EYS: variants seen among roughly 807,000 people sequenced by gnomAD.
EYS encodes EGF-like photoreceptor maintenance factor, also known as protein eyes shut homolog.
A neutral mutation model predicts 282.1 loss-of-function variants in EYS; 250 were observed. The observed-to-expected ratio is 0.89, with a 90% CI of 0.80 to 0.98. EYS has a LOEUF of 0.98. EYS is among the 50% of genes least tolerant of loss of function. The probability of loss-of-function intolerance (pLI) is 0.00; values close to 1 mark genes in which losing one functional copy is unlikely to be tolerated. For synonymous variants in EYS, 1,355 were observed against 1,282.9 expected (o/e 1.06, Z -1.20); for missense variants, 4,016 against 3,709.0 (o/e 1.08, Z -2.15).
At chr6:64,772,343 T>G (rs189030043) in intron 22 of EYS, among the ~76,000 whole-genome samples, 1 of 151,754 alleles carries the variant, frequency 6.6e-6, no homozygotes, top group South Asian at 2.1e-4. Flanking sequence ...TTTGTGTAAG[T>G]AGCTGTATCA....
intron 7 of EYS, among the ~76,000 whole-genome samples, chr6:65,392,464 C>G (rs1456195607): frequency 5.3e-5 from 8 of 152,088 alleles, no homozygotes; most frequent in African/African-American, 1.7e-4. Context: ...TGAACTCAAA[C>G]AAATTTACAA....
At chr6:64,930,494 T>A (rs1768682907) in intron 15 of EYS, among the ~76,000 whole-genome samples, 1 of 148,750 alleles carries the variant, frequency 6.7e-6, no homozygotes, top group East Asian at 2.0e-4. Flanking sequence ...CAAAACAATA[T>A]CTCTGGTAAC....
chr6:65,009,127 G>C (rs192291881), intron 13 of EYS, among the ~76,000 whole-genome samples: 183 of 152,146 alleles, frequency 1.2e-3, no homozygotes, highest in African/African-American at 4.3e-3. Flanking sequence ...CTAAAGTCTA[G>C]GCAACAGAAG....
chr6:64,212,556 G>A (rs982745773), intron 31 of EYS, among the ~76,000 whole-genome samples: 4 of 151,090 alleles, frequency 2.6e-5, no homozygotes, highest in African/African-American at 9.7e-5. Flanking sequence ...TGTACAATTT[G>A]TGAGATGGAG....
intron 33 of EYS, among the ~76,000 whole-genome samples, chr6:64,006,117 C>T (rs1028074146): frequency 6.6e-6 from 1 of 152,010 alleles, no homozygotes; most frequent in Non-Finnish European, 1.5e-5. Flanking sequence ...GTATGATTTA[C>T]CATTTGTTTG....
intron 12 of EYS, among the ~76,000 whole-genome samples, chr6:65,282,979 A>AAAT (rs1292846891): frequency 1.3e-5 from 2 of 151,986 alleles, no homozygotes; most frequent in Non-Finnish European, 2.9e-5. Flanking sequence ...AGGCAAAATT[A>AAAT]AATATATATA....
chr6:63,960,403 T>C (rs1766007452), intron 35 of EYS, among the ~76,000 whole-genome samples: 1 of 152,220 alleles, frequency 6.6e-6, no homozygotes, highest in Admixed American at 6.5e-5. Context: ...ATTGGTTTAT[T>C]GAGATGGACT....
chr6:65,407,213 G>A (rs920991913), intron 5 of EYS, among the ~76,000 whole-genome samples: 1 of 152,126 alleles, frequency 6.6e-6, no homozygotes, highest in Non-Finnish European at 1.5e-5. Context: ...TGAAGGTCAT[G>A]TAACTAGACT....
intron 12 of EYS, among the ~76,000 whole-genome samples, chr6:65,243,822 T>C (rs187671550): frequency 6.6e-6 from 1 of 152,284 alleles, no homozygotes; most frequent in East Asian, 1.9e-4. Context: ...GGCAGGAGCA[T>C]CACTTGAGTC....
chr6:65,133,702 A>T (rs1775945012), intron 12 of EYS, among the ~76,000 whole-genome samples: 1 of 152,118 alleles, frequency 6.6e-6, no homozygotes, highest in Admixed American at 6.6e-5. Context: ...TTCTGGACAC[A>T]GAAACAGGCA....
intron 22 of EYS, among the ~76,000 whole-genome samples, chr6:64,703,382 G>GACACAC (rs1165808043): frequency 0.03 from 1,065 of 35,780 alleles, 58 homozygotes; most frequent in African/African-American, 0.066. Context: ...CACACACACA[G>GACACAC]ACACACACAC....
At chr6:65,062,904 T>C (rs1583447844) in intron 12 of EYS, among the ~76,000 whole-genome samples, 1 of 152,166 alleles carries the variant, frequency 6.6e-6, no homozygotes, top group Admixed American at 6.6e-5. Flanking sequence ...TGAGTTTGTG[T>C]ATTTCTTATT....
intron 22 of EYS, among the ~76,000 whole-genome samples, chr6:64,746,602 T>C (rs1772563022): frequency 6.6e-6 from 1 of 152,208 alleles, no homozygotes; most frequent in Non-Finnish European, 1.5e-5. Flanking sequence ...AGAACATGAA[T>C]AAAGAATTTA....
chr6:64,160,657 A>G (rs1775076057), intron 31 of EYS, among the ~76,000 whole-genome samples: 1 of 152,218 alleles, frequency 6.6e-6, no homozygotes. Flanking sequence ...TTCAATGCAG[A>G]CATTTCCTGC....
At chr6:64,314,713 A>T (rs1769868791) in intron 29 of EYS, among the ~76,000 whole-genome samples, 2 of 152,184 alleles carry the variant, frequency 1.3e-5, no homozygotes, top group South Asian at 4.1e-4. Context: ...ACAAATAAAG[A>T]TGTTCTTTGA....
chr6:65,105,415 C>T (rs940155958), intron 12 of EYS, among the ~76,000 whole-genome samples: 1 of 151,786 alleles, frequency 6.6e-6, no homozygotes, highest in South Asian at 2.1e-4. Flanking sequence ...TATACACACA[C>T]GTACACACAT....
At chr6:64,090,091 A>G (rs891075841) in intron 31 of EYS, among the ~76,000 whole-genome samples, 5 of 152,118 alleles carry the variant, frequency 3.3e-5, no homozygotes, top group African/African-American at 1.2e-4. Context: ...CGTTTAGCAC[A>G]CCAACAAGAT....
chr6:63,732,950 A>C (rs1031302880), intron 41 of EYS, among the ~76,000 whole-genome samples: 2 of 152,192 alleles, frequency 1.3e-5, no homozygotes, highest in African/African-American at 4.8e-5. Flanking sequence ...AAAACAGGGA[A>C]AGGAGAAAGG....
intron 12 of EYS, among the ~76,000 whole-genome samples, chr6:65,191,827 T>C (rs1354631960): frequency 6.6e-6 from 1 of 151,858 alleles, no homozygotes; most frequent in East Asian, 1.9e-4. Context: ...AAAGAAAGGT[T>C]CTGACCCTGT....
Sources: allele counts gnomAD v4.1 joint callset (sites outside exome capture counted in the v4.1 genomes callset), GRCh38; gene constraint gnomAD v4.1.1; transcripts MANE v1.5; gene names NCBI Gene and HGNC (gene_info 2026-07-23, HGNC 2026-07-21).